KLF8: variants seen among roughly 807,000 people sequenced by gnomAD.
The protein encoded by KLF8 is KLF transcription factor 8.
In KLF8, 10 loss-of-function variants were observed where a neutral mutation model predicts 18.2. That is an observed-to-expected ratio of 0.55 (90% CI 0.34 to 0.93). The LOEUF is 0.93. KLF8 is among the 40% of genes least tolerant of loss of function. KLF8 has a pLI of 0.02. For missense variants in KLF8, 264 were observed against 277.9 expected (o/e 0.95, Z 0.36); for synonymous variants, 109 against 97.3 (o/e 1.12, Z -0.71).
chrX:56,053,237 C>G, the KLF8 span, among the ~76,000 whole-genome samples: 1 of 112,319 alleles, frequency 8.9e-6, no homozygotes, highest in Non-Finnish European at 1.9e-5. Flanking sequence ...CTGCGTCGCT[C>G]ACGCTGGGAG....
At chrX:56,157,599 G>C in the KLF8 span, among the ~76,000 whole-genome samples, 1 of 111,178 alleles carries the variant, frequency 9.0e-6, no homozygotes, top group Admixed American at 9.6e-5. Context: ...GTGTGAGATG[G>C]TATCTCATTG....
the KLF8 span, among the ~76,000 whole-genome samples, chrX:56,158,254 T>C: frequency 8.9e-5 from 10 of 111,995 alleles, no homozygotes; most frequent in Non-Finnish European, 1.9e-4. Context: ...TCTATATCTC[T>C]GTTTTGGTAC....
At chrX:56,164,224 T>C in the KLF8 span, among the ~76,000 whole-genome samples, 3 of 100,398 alleles carry the variant, frequency 3.0e-5, no homozygotes, top group South Asian at 1.5e-3. Context: ...TTTAAGCACT[T>C]AACATAAGAC....
chrX:56,250,528 A>G (rs1157741687), intron 2 of KLF8, among the ~76,000 whole-genome samples: 2 of 112,135 alleles, frequency 1.8e-5, no homozygotes, highest in Admixed American at 9.5e-5. Flanking sequence ...AATCAAGGCT[A>G]TAAAGACAAG....
chrX:56,277,755 G>A (rs1372982811), intron 5 of KLF8, among the ~76,000 whole-genome samples: 1 of 112,471 alleles, frequency 8.9e-6, no homozygotes. Context: ...AGTTCTCCTA[G>A]GCCCTTGGTA....
chrX:56,255,303 G>A (rs1344049768), intron 2 of KLF8, among the ~76,000 whole-genome samples: 1 of 112,620 alleles, frequency 8.9e-6, no homozygotes, highest in Non-Finnish European at 1.9e-5. Context: ...GGTTCTAATA[G>A]TTTTTTGTGG....
chrX:56,033,166 G>T, the KLF8 span, among the ~76,000 whole-genome samples: 1 of 110,875 alleles, frequency 9.0e-6, no homozygotes, highest in Non-Finnish European at 1.9e-5. Flanking sequence ...TACCTTCTTA[G>T]CAACATCTCC....
chrX:56,184,307 G>C, the KLF8 span, among the ~76,000 whole-genome samples: 2 of 112,348 alleles, frequency 1.8e-5, no homozygotes. Flanking sequence ...CAAGGCGGGA[G>C]TGAGCCTGGG....
chrX:56,101,856 G>C, the KLF8 span, among the ~76,000 whole-genome samples: 10 of 111,534 alleles, frequency 9.0e-5, no homozygotes, highest in African/African-American at 3.3e-4. Context: ...TTGGACCTTT[G>C]TCAGATGCAT....
chrX:56,028,150 G>A, the KLF8 span, among the ~76,000 whole-genome samples: 2 of 112,034 alleles, frequency 1.8e-5, no homozygotes, highest in Admixed American at 1.9e-4. Context: ...GACACATAGA[G>A]TGTGAAGGGC....
At chrX:56,172,507 G>A in the KLF8 span, among the ~76,000 whole-genome samples, 1 of 111,713 alleles carries the variant, frequency 9.0e-6, no homozygotes, top group Non-Finnish European at 1.9e-5. Flanking sequence ...GTCTATCATT[G>A]TTAGACATTT....
At chrX:56,266,905 C>G (rs2066980371) in intron 3 of KLF8, 2 of 751,657 alleles carry the variant, frequency 2.7e-6, no homozygotes, top group African/African-American at 4.6e-5. Flanking sequence ...CTTCTGAATA[C>G]AAATATTATT....
chrX:56,078,145 C>T, the KLF8 span, among the ~76,000 whole-genome samples: 2 of 111,703 alleles, frequency 1.8e-5, no homozygotes, highest in South Asian at 3.8e-4. Flanking sequence ...CCTTCTCCTG[C>T]CTAATTGCCC....
At chrX:56,104,809 G>T in the KLF8 span, among the ~76,000 whole-genome samples, 1 of 110,850 alleles carries the variant, frequency 9.0e-6, no homozygotes, top group Non-Finnish European at 1.9e-5. Flanking sequence ...GTGATGTTAG[G>T]GTGCCAATTT....
At chrX:56,092,773 A>C in the KLF8 span, among the ~76,000 whole-genome samples, 1 of 109,825 alleles carries the variant, frequency 9.1e-6, no homozygotes, top group Non-Finnish European at 1.9e-5. Flanking sequence ...ATTAATATTC[A>C]AAGGGCTCTA....
the KLF8 span, among the ~76,000 whole-genome samples, chrX:55,933,174 T>C: frequency 3.6e-5 from 4 of 112,008 alleles, no homozygotes; most frequent in Non-Finnish European, 7.5e-5. Context: ...CTTTTCATAC[T>C]TTAATGTACC....
At chrX:56,173,809 C>T in the KLF8 span, among the ~76,000 whole-genome samples, 1 of 111,404 alleles carries the variant, frequency 9.0e-6, no homozygotes. Flanking sequence ...TGAAGAGGTC[C>T]TTCACATCCC....
chrX:56,184,172 C>A, the KLF8 span, among the ~76,000 whole-genome samples: 3 of 112,386 alleles, frequency 2.7e-5, no homozygotes, highest in East Asian at 5.6e-4. Flanking sequence ...CCCACCCTAA[C>A]ACTGCGCATT....
the KLF8 span, among the ~76,000 whole-genome samples, chrX:56,007,409 G>A: frequency 1.8e-5 from 2 of 111,289 alleles, no homozygotes; most frequent in Non-Finnish European, 3.8e-5. Flanking sequence ...TAGGCTTTAG[G>A]TAACTCCCTA....
Sources: gnomAD v4.1 joint callset for allele counts (sites outside exome capture counted in the v4.1 genomes callset) on GRCh38, gnomAD v4.1.1 for gene constraint, MANE v1.5 for transcripts, NCBI Gene and HGNC (gene_info 2026-07-23, HGNC 2026-07-21) for gene names.